The following SPIDR variants were observed in gnomAD, a reference collection of about 807,000 sequenced individuals.
The protein encoded by SPIDR is scaffold protein involved in DNA repair, also known as DNA repair-scaffolding protein.
Under a neutral mutation model 104.6 loss-of-function variants are expected in SPIDR, and 93 were observed. The ratio of observed to expected loss-of-function variants is 0.89; its 90% CI spans 0.75 to 1.06. The LOEUF (loss-of-function observed/expected upper bound fraction) is 1.06, where lower values mean the gene tolerates loss of function less well. SPIDR is among the 50% of genes least tolerant of loss of function. The probability of loss-of-function intolerance (pLI) is 0.00; values close to 1 mark genes in which losing one functional copy is unlikely to be tolerated. For missense variants in SPIDR, 1,154 were observed against 1,111.2 expected (o/e 1.04, Z -0.55); for synonymous variants, 431 against 416.9 (o/e 1.03, Z -0.41).
chr8:47,596,473 G>A (rs1310112018), intron 9 of SPIDR, among the ~76,000 whole-genome samples: 1 of 152,066 alleles, frequency 6.6e-6, no homozygotes, highest in Non-Finnish European at 1.5e-5. Context: ...CATAGAAAAA[G>A]GATAGTAAAA....
rs2086175994 is a variant in SPIDR, at chr8:47,735,643, A to C, written c.*193A>C. ...TGTAAATCAAAATACCTTTTTCTAC[A>C]GTTTATCTTTTATTTTCTGCAAATT... On this transcript the variant is annotated 3_prime_UTR_variant, in exon 20 of 20. Transcript: ENST00000297423. 8.7e-7 allele frequency: 1 copy of C among 1,151,110 alleles called. No homozygotes were observed. The highest frequency in any genetic ancestry group is 1.2e-6 in the Non-Finnish European group (1 of 842,590). 71.3% of individuals were successfully genotyped at this position (1,151,110 alleles called of 1,614,324 possible). A position where few individuals can be genotyped will look rare whatever the true frequency, so the allele number is the denominator to read the frequency against.
chr8:47,484,237 A>G (rs749967897), intron 8 of SPIDR, among the ~76,000 whole-genome samples: 1 of 152,258 alleles, frequency 6.6e-6, no homozygotes, highest in Non-Finnish European at 1.5e-5. Context: ...ACCCAATAGA[A>G]GCAATCATAG....
intron 6 of SPIDR, among the ~76,000 whole-genome samples, chr8:47,407,091 G>A (rs916088980): frequency 3.3e-5 from 5 of 152,008 alleles, no homozygotes; most frequent in Admixed American, 3.3e-4. Context: ...ACATATGCAT[G>A]TATTTATTTA....
At chr8:47,330,584 G>C (rs1324577215) in intron 5 of SPIDR, among the ~76,000 whole-genome samples, 1 of 152,132 alleles carries the variant, frequency 6.6e-6, no homozygotes, top group Non-Finnish European at 1.5e-5. Flanking sequence ...GCCTTATCCA[G>C]AATGTCATAC....
chr8:47,404,121 A>G (rs1324679860), intron 6 of SPIDR, among the ~76,000 whole-genome samples: 17 of 152,226 alleles, frequency 1.1e-4, no homozygotes, highest in Admixed American at 9.8e-4. Context: ...TATTTAATAA[A>G]TGGTGCTGGG....
At chr8:47,299,312 C>G (rs2041561954) in intron 5 of SPIDR, among the ~76,000 whole-genome samples, 1 of 152,144 alleles carries the variant, frequency 6.6e-6, no homozygotes, top group Non-Finnish European at 1.5e-5. Context: ...TATCCTGAGA[C>G]TTTGCTGAAG....
chr8:47,551,892 T>C (rs1006591555), intron 8 of SPIDR, among the ~76,000 whole-genome samples: 1 of 152,212 alleles, frequency 6.6e-6, no homozygotes, highest in African/African-American at 2.4e-5. Flanking sequence ...TTTCCTGCTT[T>C]CTTTTATGGG....
chr8:47,447,885 A>G (rs2070979504), intron 8 of SPIDR, among the ~76,000 whole-genome samples: 1 of 152,202 alleles, frequency 6.6e-6, no homozygotes, highest in Non-Finnish European at 1.5e-5. Flanking sequence ...TTTACCAATA[A>G]AGTGTTTTTG....
At position 47,485,801 on chromosome 8, in the gene SPIDR, A is replaced by C. The variant is rs192678116; in HGVS notation, c.1097+45259A>C. Among the ~76,000 whole-genome samples, 105 of 152,330 alleles carry C rather than the reference A, an allele frequency of 6.9e-4. 1 individual carries two copies. In the South Asian group the frequency reaches 0.011, roughly 16 times the overall value. ...GACCTGCAGCAGAGGGTCCTGTTAC[A>C]AGGAAAACTAACAAACAGCAAGGAC... On this transcript the variant is annotated intron_variant, in intron 8 of 19. Transcript: ENST00000297423.
chr8:47,659,037 C>G (rs372484580), intron 10 of SPIDR, among the ~76,000 whole-genome samples: 1 of 151,894 alleles, frequency 6.6e-6, no homozygotes, highest in Non-Finnish European at 1.5e-5. Flanking sequence ...GCTGGTGGAT[C>G]ACTTGAGTCC....
chr8:47,418,630 G>A (rs907546602), intron 7 of SPIDR, among the ~76,000 whole-genome samples: 1 of 152,096 alleles, frequency 6.6e-6, no homozygotes, highest in African/African-American at 2.4e-5. Flanking sequence ...CTGCCTGATT[G>A]CCCTGGCCAG....
chr8:47,323,148 A>T (rs1350916061), intron 5 of SPIDR, among the ~76,000 whole-genome samples: 1 of 152,174 alleles, frequency 6.6e-6, no homozygotes, highest in Non-Finnish European at 1.5e-5. Flanking sequence ...GGATAGAGAA[A>T]TGTGATAAAC....
At chr8:47,483,979 G>C (rs764809128) in intron 8 of SPIDR, among the ~76,000 whole-genome samples, 1 of 148,242 alleles carries the variant, frequency 6.7e-6, no homozygotes, top group African/African-American at 2.6e-5. Flanking sequence ...GTACAGCTTC[G>C]TGTTAAAAAA....
chr8:47,700,272 T>C (rs2079969731), intron 11 of SPIDR, 131 bp from the exon 12 acceptor site: 3 of 924,342 alleles, frequency 3.2e-6, no homozygotes, highest in Non-Finnish European at 5.3e-6. Context: ...CCCCTCTGAA[T>C]CGCCACACAT....
intron 7 of SPIDR, among the ~76,000 whole-genome samples, chr8:47,422,295 A>C (rs1267895528): frequency 6.6e-6 from 1 of 152,064 alleles, no homozygotes; most frequent in Non-Finnish European, 1.5e-5. Flanking sequence ...TACCTACTCA[A>C]GCCTCAGCAA....
intron 8 of SPIDR, among the ~76,000 whole-genome samples, chr8:47,578,070 C>G (rs979710116): frequency 2.6e-5 from 4 of 152,216 alleles, no homozygotes; most frequent in Non-Finnish European, 5.9e-5. Flanking sequence ...AAAGACTAAT[C>G]ATAACTGATA....
At chr8:47,544,595 G>A (rs1444759215) in intron 8 of SPIDR, among the ~76,000 whole-genome samples, 3 of 152,164 alleles carry the variant, frequency 2.0e-5, no homozygotes, top group African/African-American at 4.8e-5. Context: ...TCCACCATTT[G>A]TTGAAAAGGA....
intron 19 of SPIDR, among the ~76,000 whole-genome samples, chr8:47,734,580 C>T (rs776613541): frequency 6.6e-6 from 1 of 151,128 alleles, no homozygotes; most frequent in East Asian, 1.9e-4. Flanking sequence ...CTGCAAGTGA[C>T]ATTGCCTTCT....
chr8:47,546,792 A>G (rs939641397), intron 8 of SPIDR: 1 of 216,452 alleles, frequency 4.6e-6, no homozygotes, highest in Non-Finnish European at 9.3e-6. Context: ...TTTGTCACCA[A>G]GAGACCATGT....
Sources: gnomAD v4.1 joint callset for allele counts (sites outside exome capture counted in the v4.1 genomes callset) on GRCh38, gnomAD v4.1.1 for gene constraint, MANE v1.5 for transcripts, NCBI Gene and HGNC (gene_info 2026-07-23, HGNC 2026-07-21) for gene names.